The following TRAPPC9 variants were observed in gnomAD, a reference collection of about 807,000 sequenced individuals.
TRAPPC9 encodes IKK2 binding protein.
A neutral mutation model predicts 124.0 loss-of-function variants in TRAPPC9; 83 were observed. That is an observed-to-expected ratio of 0.67 (90% CI 0.56 to 0.80). TRAPPC9 has a LOEUF of 0.80. Among genes scored for constraint, TRAPPC9 ranks in the 30% least tolerant of loss-of-function variants. The probability of loss-of-function intolerance (pLI) is 0.00; values close to 1 mark genes in which losing one functional copy is unlikely to be tolerated. For missense variants in TRAPPC9, 1,302 were observed against 1,508.3 expected (o/e 0.86, Z 2.27); for synonymous variants, 638 against 617.5 (o/e 1.03, Z -0.49).
intron 21 of TRAPPC9, among the ~76,000 whole-genome samples, chr8:139,831,934 T>C (rs1337331053): frequency 1.3e-5 from 2 of 152,234 alleles, no homozygotes; most frequent in African/African-American, 4.8e-5. Flanking sequence ...CCCATTGTCC[T>C]GGCTACGTTT....
At chr8:139,891,291 T>C (rs998184458) in intron 20 of TRAPPC9, among the ~76,000 whole-genome samples, 3 of 152,216 alleles carry the variant, frequency 2.0e-5, no homozygotes, top group African/African-American at 7.2e-5. Context: ...TCAGCAAAGA[T>C]TAAAGAACTT....
chr8:140,101,171 G>A (rs1320961044), intron 17 of TRAPPC9, among the ~76,000 whole-genome samples: 3 of 152,136 alleles, frequency 2.0e-5, no homozygotes, highest in East Asian at 3.8e-4. Context: ...ACGGAGTCTC[G>A]CTCTGTCACC....
At chr8:139,888,876 A>C (rs1257663264) in intron 20 of TRAPPC9, among the ~76,000 whole-genome samples, 2 of 152,208 alleles carry the variant, frequency 1.3e-5, no homozygotes, top group Non-Finnish European at 2.9e-5. Context: ...GTTTAGGGTT[A>C]TGGAGCTGAC....
At chr8:140,214,770 T>C (rs984306277) in intron 17 of TRAPPC9, among the ~76,000 whole-genome samples, 1 of 152,150 alleles carries the variant, frequency 6.6e-6, no homozygotes, top group Non-Finnish European at 1.5e-5. Flanking sequence ...AAGACAGTCA[T>C]GAACGTGGAC....
At chr8:140,012,062 G>T (rs1314492004) in intron 18 of TRAPPC9, among the ~76,000 whole-genome samples, 1 of 152,052 alleles carries the variant, frequency 6.6e-6, no homozygotes, top group African/African-American at 2.4e-5. Flanking sequence ...TGCCCGCCTT[G>T]GCCTCCCAAA....
intron 9 of TRAPPC9, among the ~76,000 whole-genome samples, chr8:140,312,342 G>A (rs891019363): frequency 3.3e-5 from 5 of 152,158 alleles, no homozygotes; most frequent in Non-Finnish European, 5.9e-5. Context: ...CTAGAACAGC[G>A]AAGTTAGATC....
intron 10 of TRAPPC9, among the ~76,000 whole-genome samples, chr8:140,308,665 G>A (rs1172125867): frequency 1.3e-5 from 2 of 152,018 alleles, no homozygotes; most frequent in Non-Finnish European, 2.9e-5. Flanking sequence ...GGCGGATCAC[G>A]AGGTCAGGAG....
intron 17 of TRAPPC9, among the ~76,000 whole-genome samples, chr8:140,082,506 G>A (rs1843893986): frequency 6.6e-6 from 1 of 152,156 alleles, no homozygotes; most frequent in Non-Finnish European, 1.5e-5. Flanking sequence ...ATATGTTAAT[G>A]CATTTTAACA....
At chr8:140,207,454 C>A (rs1270985363) in intron 17 of TRAPPC9, among the ~76,000 whole-genome samples, 5 of 152,214 alleles carry the variant, frequency 3.3e-5, no homozygotes, top group Non-Finnish European at 7.3e-5. Context: ...GTCAGTCATT[C>A]TCAATAGCAA....
chr8:139,972,307 C>T (rs951671175), intron 19 of TRAPPC9, among the ~76,000 whole-genome samples: 3 of 152,012 alleles, frequency 2.0e-5, no homozygotes, highest in Non-Finnish European at 4.4e-5. Flanking sequence ...AGGGGTGAGT[C>T]CCAAACTTAC....
At chr8:139,932,337 G>A (rs1476998383) in intron 19 of TRAPPC9, 1 of 457,730 alleles carries the variant, frequency 2.2e-6, no homozygotes, top group Admixed American at 2.3e-5. Flanking sequence ...CAGGTCCTTG[G>A]CCACGGGACC....
chr8:140,272,520 TG>T (rs2064984900), intron 15 of TRAPPC9, among the ~76,000 whole-genome samples: 1 of 151,988 alleles, frequency 6.6e-6, no homozygotes, highest in Non-Finnish European at 1.5e-5. Context: ...GTGGCAGTAG[TG>T]GCAAAAGTAG....
At chr8:140,195,382 TA>T (rs1174765408) in intron 17 of TRAPPC9, among the ~76,000 whole-genome samples, 2 of 151,574 alleles carry the variant, frequency 1.3e-5, no homozygotes, top group Non-Finnish European at 2.9e-5. Flanking sequence ...CCTGTGATAC[TA>T]AAACACTCAA....
chr8:140,075,120 T>C (rs572972381), intron 17 of TRAPPC9, among the ~76,000 whole-genome samples: 2 of 152,244 alleles, frequency 1.3e-5, no homozygotes, highest in East Asian at 3.9e-4. Context: ...ATCAGAGCCC[T>C]GCAGACAGGG....
chr8:139,768,389 G>A (rs1281135878), intron 21 of TRAPPC9, among the ~76,000 whole-genome samples: 3 of 152,196 alleles, frequency 2.0e-5, no homozygotes, highest in Non-Finnish European at 4.4e-5. Context: ...TGGGGGCACG[G>A]GGCAGGCAGG....
intron 17 of TRAPPC9, among the ~76,000 whole-genome samples, chr8:140,074,299 A>T (rs1843367919): frequency 6.6e-6 from 1 of 152,100 alleles, no homozygotes; most frequent in Non-Finnish European, 1.5e-5. Flanking sequence ...CATCCCCCGA[A>T]CTACCCAGCA....
At chr8:140,239,305 G>C (rs551927415) in intron 16 of TRAPPC9, among the ~76,000 whole-genome samples, 9 of 152,200 alleles carry the variant, frequency 5.9e-5, no homozygotes, top group Non-Finnish European at 1.3e-4. Flanking sequence ...TGGAGAGACC[G>C]AGCCTAGGAA....
intron 17 of TRAPPC9, among the ~76,000 whole-genome samples, chr8:140,208,122 C>A (rs549995589): frequency 5.3e-5 from 8 of 151,078 alleles, no homozygotes; most frequent in Non-Finnish European, 8.8e-5. Context: ...TGCACTCCAG[C>A]CTGGGCGACA....
chr8:139,907,327 G>T lies in TRAPPC9; in HGVS notation c.2964+2820C>A, dbSNP rs568276763. 1.6e-4 allele frequency among the ~76,000 whole-genome samples: 24 copies of T among 152,036 alleles called. No individual in the cohort carries two copies. The South Asian group carries it at 5.0e-3, about 32-fold the overall frequency. ...TGGGCAACTGCTACAACTATGGACG[G>T]GTATCAAATTAAGCTCAAATGTTTG... On this transcript the variant is annotated intron_variant, in intron 20 of 22. Transcript: ENST00000438773. The surrounding 1 kb of genome is among the most constrained non-coding windows in gnomAD (Gnocchi z 4.7).
Sources: gnomAD v4.1 joint callset for allele counts (sites outside exome capture counted in the v4.1 genomes callset) on GRCh38, gnomAD v4.1.1 for gene constraint, Gnocchi (gnomAD v3.1) non-coding constraint, MANE v1.5 for transcripts, NCBI Gene and HGNC (gene_info 2026-07-23, HGNC 2026-07-21) for gene names.